GPHN: variants seen among roughly 807,000 people sequenced by gnomAD.
The protein encoded by GPHN is gephyrin.
A neutral mutation model predicts 95.5 loss-of-function variants in GPHN; 17 were observed. That is an observed-to-expected ratio of 0.18 (90% CI 0.12 to 0.27). GPHN has a LOEUF of 0.27. GPHN is among the 10% of genes least tolerant of loss of function. The pLI is 1.00. For missense variants in GPHN, 660 were observed against 978.1 expected (o/e 0.67, Z 4.34); for synonymous variants, 320 against 322.5 (o/e 0.99, Z 0.08).
chr14:66,993,311 T>A (rs1007763804), intron 9 of GPHN, among the ~76,000 whole-genome samples: 27 of 152,136 alleles, frequency 1.8e-4, no homozygotes, highest in Non-Finnish European at 1.5e-4. Context: ...CTAATGTGGA[T>A]AGAATATAGA....
At chr14:67,050,907 G>A (rs552621355) in intron 10 of GPHN, among the ~76,000 whole-genome samples, 2 of 136,866 alleles carry the variant, frequency 1.5e-5, no homozygotes, top group African/African-American at 5.5e-5. Context: ...GCCAAGGGAG[G>A]TAGTGAGTGA....
At chr14:67,289,444 T>C in the GPHN span, among the ~76,000 whole-genome samples, 4 of 152,148 alleles carry the variant, frequency 2.6e-5, no homozygotes, top group Admixed American at 1.3e-4. Context: ...CCATTTTATA[T>C]AAGGGACTTG....
chr14:66,779,712 C>A (rs1051921188), intron 3 of GPHN, among the ~76,000 whole-genome samples: 29 of 151,836 alleles, frequency 1.9e-4, no homozygotes, highest in African/African-American at 6.5e-4. Flanking sequence ...AATAGGATAC[C>A]AGATTATAGG....
intron 13 of GPHN, among the ~76,000 whole-genome samples, chr14:67,103,511 C>CTTTTTTTTTTTT: frequency 8.1e-4 from 43 of 53,392 alleles, no homozygotes; most frequent in Non-Finnish European, 9.9e-4. Context: ...GTTTCTTTCT[C>CTTTTTTTTTTTT]TTTTTTTTTT....
the GPHN span, chr14:67,337,527 AAAAG>A: frequency 2.1e-4 from 32 of 152,278 alleles, no homozygotes; most frequent in South Asian, 1.4e-3. Flanking sequence ...AAAAAAAAAA[AAAAG>A]AAAGAAAAAC....
chr14:67,577,937 G>T, the GPHN span: 2 of 1,259,584 alleles, frequency 1.6e-6, no homozygotes, highest in South Asian at 2.7e-5. Context: ...TAACCTCCCT[G>T]GAGCCCTTGG....
intron 1 of GPHN, among the ~76,000 whole-genome samples, chr14:66,554,837 A>G (rs2140214063): frequency 6.6e-6 from 1 of 152,324 alleles, no homozygotes; most frequent in East Asian, 1.9e-4. Flanking sequence ...TGCTGGGTTG[A>G]ATGGGTAGGT....
the GPHN span, among the ~76,000 whole-genome samples, chr14:67,295,540 A>T: frequency 6.6e-6 from 1 of 151,184 alleles, no homozygotes; most frequent in Admixed American, 6.6e-5. Context: ...CTACTCGGTT[A>T]AAAAAAAATT....
rs192409696 is a variant in GPHN, at chr14:66,513,384, T to C, written c.64+4793T>C. Among the ~76,000 whole-genome samples the C allele has an allele frequency of 9.5e-4, 144 of 151,858 alleles. No homozygotes were observed. The Middle Eastern group carries it at 0.01, about 11-fold the overall frequency. The stretch of plus-strand genomic sequence containing the variant: ...AAGCAGGCATATAGTGGAAAGTCAA[T>C]AGTATGTTTTTAGGGAGGAAGTGAC... On this transcript the variant is annotated intron_variant, in intron 1 of 22. Coordinates refer to ENST00000478722, the MANE Select transcript of GPHN (RefSeq NM_020806.5).
intron 1 of GPHN, among the ~76,000 whole-genome samples, chr14:66,598,412 C>T (rs1304906941): frequency 5.9e-5 from 9 of 152,044 alleles, no homozygotes; most frequent in Admixed American, 3.9e-4. Context: ...TACTGAGACT[C>T]TGAGAAAGGC....
chr14:67,541,009 G>A, the GPHN span, among the ~76,000 whole-genome samples: 1 of 152,138 alleles, frequency 6.6e-6, no homozygotes, highest in Non-Finnish European at 1.5e-5. Flanking sequence ...CCAAAGACTT[G>A]TGGCTTTCTC....
the GPHN span, among the ~76,000 whole-genome samples, chr14:67,609,803 G>C: frequency 6.6e-6 from 1 of 152,186 alleles, no homozygotes; most frequent in Non-Finnish European, 1.5e-5. Context: ...GGGGAAGGGG[G>C]TGGGGATCCG....
At chr14:67,590,154 C>T in the GPHN span, 1 of 1,550,844 alleles carries the variant, frequency 6.4e-7, no homozygotes, top group Non-Finnish European at 8.7e-7. Context: ...ATCAAGCAGT[C>T]CAGCCGGGGC....
chr14:67,500,165 T>C, the GPHN span, among the ~76,000 whole-genome samples: 1 of 151,856 alleles, frequency 6.6e-6, no homozygotes, highest in African/African-American at 2.4e-5. Context: ...CCCTGTCTCT[T>C]AAAATAAATA....
rs556724465 is a variant in GPHN, at chr14:67,128,837, G to A, written c.1748+6460G>A. Among the ~76,000 whole-genome samples the A allele has an allele frequency of 2.7e-3, 397 of 149,294 alleles. 1 individual carries two copies. The highest frequency in any genetic ancestry group is 3.8e-3 in the Non-Finnish European group (259 of 67,326). On this transcript the variant is annotated intron_variant, in intron 17 of 22. Coordinates refer to ENST00000478722, the MANE Select transcript of GPHN (RefSeq NM_020806.5). ...CTAATTTTTTTTTTTTTTTTGAGAC[G>A]GAGTTTCGCTGTTGTTGCCCACACT... is the stretch of plus-strand genomic sequence containing the variant.
At chr14:67,141,889 AGG>A (rs1387973116) in intron 17 of GPHN, among the ~76,000 whole-genome samples, 1 of 152,226 alleles carries the variant, frequency 6.6e-6, no homozygotes, top group Non-Finnish European at 1.5e-5. Flanking sequence ...CATTAAGGTA[AGG>A]GGGCATGAAT....
the GPHN span, among the ~76,000 whole-genome samples, chr14:67,192,851 G>T: frequency 7.1e-6 from 1 of 140,298 alleles, no homozygotes; most frequent in African/African-American, 2.6e-5. Context: ...TCTATATATA[G>T]ATATACAGAT....
At chr14:67,380,449 A>T in the GPHN span, among the ~76,000 whole-genome samples, 1 of 152,198 alleles carries the variant, frequency 6.6e-6, no homozygotes, top group South Asian at 2.1e-4. Flanking sequence ...TTTTAGTCAG[A>T]TCACTAAAAT....
At chr14:66,683,349 TATATATATATATATATA>T (rs1275080422) in intron 2 of GPHN, among the ~76,000 whole-genome samples, 2 of 91,714 alleles carry the variant, frequency 2.2e-5, no homozygotes, top group African/African-American at 1.5e-4. Context: ...TATATATATA[TATATATATATATATATA>T]TATATATATA....
Sources: gnomAD v4.1 joint callset for allele counts (sites outside exome capture counted in the v4.1 genomes callset) on GRCh38, gnomAD v4.1.1 for gene constraint, MANE v1.5 for transcripts, NCBI Gene and HGNC (gene_info 2026-07-23, HGNC 2026-07-21) for gene names.